POLR2B: variants seen among roughly 807,000 people sequenced by gnomAD.
POLR2B encodes DNA-directed RNA polymerase II subunit RPB2.
POLR2B carries 57 observed loss-of-function variants against 144.6 expected under a neutral mutation model. That is an observed-to-expected ratio of 0.39 (90% CI 0.32 to 0.49). POLR2B has a LOEUF of 0.49. Ranked by LOEUF, POLR2B falls within the 20% of genes least tolerant of loss-of-function variation. The probability of loss-of-function intolerance (pLI) is 0.83; values close to 1 mark genes in which losing one functional copy is unlikely to be tolerated. For synonymous variants in POLR2B, 442 were observed against 469.8 expected, an observed-to-expected ratio of 0.94 and a Z score of 0.77; for missense variants, 595 against 1,467.4, an observed-to-expected ratio of 0.41 and a Z score of 9.71.
At chr4:57,001,449 G>A (rs1722852306) in intron 7 of POLR2B, among the ~76,000 whole-genome samples, 1 of 152,220 alleles carries the variant, frequency 6.6e-6, no homozygotes, top group Non-Finnish European at 1.5e-5. Flanking sequence ...GCATGAGCCA[G>A]CGTGCCTGGC....
chr4:57,010,312 A>G lies in POLR2B; in HGVS notation c.1405-49A>G, dbSNP rs377689013. 27 of 1,566,744 alleles carry G rather than the reference A, an allele frequency of 1.7e-5. No individual in the cohort carries two copies. The African/African-American group carries it at 3.4e-4, about 20-fold the overall frequency. On this transcript the variant is annotated intron_variant, in intron 10 of 24. Coordinates refer to ENST00000314595, the MANE Select transcript of POLR2B (RefSeq NM_000938.3). Reference sequence around the variant, plus strand: ...TATGACTTTGCCTCAGTGTAATAGTATGAATCACAGAAATGTCCAGACTTT... The same window carrying G: ...TATGACTTTGCCTCAGTGTAATAGTGTGAATCACAGAAATGTCCAGACTTT...
intron 16 of POLR2B, among the ~76,000 whole-genome samples, chr4:57,020,322 A>G (rs1398741548): frequency 1.3e-5 from 2 of 152,172 alleles, no homozygotes; most frequent in African/African-American, 4.8e-5. Flanking sequence ...GTGAGCCACC[A>G]TGCCCGACCT....
intron 13 of POLR2B, among the ~76,000 whole-genome samples, chr4:57,011,341 A>G (rs1210077240): frequency 6.6e-6 from 1 of 152,306 alleles, no homozygotes; most frequent in African/African-American, 2.4e-5. Flanking sequence ...CAGCCTGGCC[A>G]ATATGGCGAA....
At position 56,986,003 on chromosome 4, in the gene POLR2B, C is replaced by G. The variant is rs150877656; in HGVS notation, c.20-351C>G. Among the ~76,000 whole-genome samples, 155 of 152,266 alleles carry G rather than the reference C, an allele frequency of 1.0e-3. 2 individuals are homozygous for G. The highest frequency in any genetic ancestry group is 3.6e-3 in the African/African-American group (148 of 41,562). On this transcript the variant is annotated intron_variant, in intron 1 of 24. Coordinates refer to ENST00000314595, the MANE Select transcript of POLR2B (RefSeq NM_000938.3). ...ATGAAATGTTGCTATAATAGATTGC[C>G]CCACCTTAGGGTATTGCCCAGTTGT...
chr4:57,027,668 G>A (rs988707559), intron 23 of POLR2B, among the ~76,000 whole-genome samples: 1 of 152,168 alleles, frequency 6.6e-6, no homozygotes, highest in African/African-American at 2.4e-5. Context: ...TCAAAGGTTG[G>A]TTTTGATGTA....
chr4:57,004,266 G>A (rs1403043924), intron 7 of POLR2B, among the ~76,000 whole-genome samples: 1 of 151,640 alleles, frequency 6.6e-6, no homozygotes, highest in Non-Finnish European at 1.5e-5. Flanking sequence ...GGCCAGGCTG[G>A]CCTTGAACTC....
chr4:57,008,260 A>G (rs1383566333), intron 10 of POLR2B, among the ~76,000 whole-genome samples: 2 of 148,574 alleles, frequency 1.3e-5, no homozygotes, highest in African/African-American at 5.0e-5. Flanking sequence ...GCTGGAGTAC[A>G]GTGGCAATCT....
intron 1 of POLR2B, among the ~76,000 whole-genome samples, chr4:56,980,527 G>A (rs1340620947): frequency 6.6e-6 from 1 of 152,044 alleles, no homozygotes; most frequent in Non-Finnish European, 1.5e-5. Flanking sequence ...TTCGAGAGCA[G>A]CCTGGGCAAC....
chr4:57,015,882 C>A (rs868619699), intron 14 of POLR2B, among the ~76,000 whole-genome samples: 1 of 152,070 alleles, frequency 6.6e-6, no homozygotes, highest in Non-Finnish European at 1.5e-5. Flanking sequence ...CCTCAACCAC[C>A]GTAGTAGCTG....
In POLR2B at chr4:57,025,020, G is replaced by GT. The variant is rs771199658; in HGVS notation, c.3078+22dup. 3.9e-5 allele frequency: 47 copies of GT among 1,191,872 alleles called. No individual in the cohort carries two copies. In the South Asian group the frequency reaches 5.9e-4, roughly 15 times the overall value. 73.8% of individuals were successfully genotyped at this position (1,191,872 alleles called of 1,614,324 possible). On this transcript the variant is annotated intron_variant, in intron 22 of 24. Transcript: ENST00000314595. The stretch of plus-strand genomic sequence containing the variant: ...ATGAGGTATATTTGCTCTTATAGTA[G>GT]TAATTTGCCACTTGTTTTTTTTTGT...
chr4:56,980,473 G>A (rs902543732), intron 1 of POLR2B, among the ~76,000 whole-genome samples: 1 of 152,156 alleles, frequency 6.6e-6, no homozygotes, highest in Admixed American at 6.5e-5. Context: ...TGTTATCCCA[G>A]CATTTTGGGA....
chr4:56,998,221 ATT>A (rs71657245), intron 6 of POLR2B, among the ~76,000 whole-genome samples: 14 of 143,112 alleles, frequency 9.8e-5, no homozygotes, highest in Non-Finnish European at 9.2e-5. Context: ...TTTTCTTTAA[ATT>A]TTTTTTTTTT....
At chr4:57,004,374 A>G (rs1411311095) in intron 7 of POLR2B, among the ~76,000 whole-genome samples, 1 of 125,726 alleles carries the variant, frequency 8.0e-6, no homozygotes, top group Admixed American at 8.6e-5. Context: ...TTTTTTTTAC[A>G]TCCAGGGTAC....
intron 10 of POLR2B, 62 bp downstream of exon 10, chr4:57,007,064 C>A: frequency 8.7e-7 from 1 of 1,151,904 alleles, no homozygotes; most frequent in Non-Finnish European, 1.3e-6. Context: ...CTAGTAGATT[C>A]TTTTGTTTGT....
intron 8 of POLR2B, 50 bp from the exon 9 acceptor site, chr4:57,005,550 C>A: frequency 2.6e-6 from 4 of 1,537,930 alleles, no homozygotes; most frequent in South Asian, 1.3e-5. Flanking sequence ...AAAAAAAGTC[C>A]AAAACTAAGT....
At chr4:57,011,228 T>C in intron 13 of POLR2B, 128 bp downstream of exon 13, 1 of 681,954 alleles carries the variant, frequency 1.5e-6, no homozygotes. Context: ...AAGTGTAAAT[T>C]TAATTATAAG....
intron 13 of POLR2B, among the ~76,000 whole-genome samples, chr4:57,014,351 G>C (rs1035117441): frequency 6.6e-6 from 1 of 150,756 alleles, no homozygotes; most frequent in Admixed American, 6.6e-5. Context: ...ACACCACCAC[G>C]CCCAGATAAT....
chr4:57,003,707 G>A (rs1198265380), intron 7 of POLR2B, among the ~76,000 whole-genome samples: 8 of 152,046 alleles, frequency 5.3e-5, no homozygotes, highest in Non-Finnish European at 1.0e-4. Flanking sequence ...GCTGGGTGTG[G>A]TAGTGCATGC....
intron 2 of POLR2B, 147 bp from the exon 3 acceptor site, chr4:56,990,601 A>G (rs1015821439): frequency 6.3e-6 from 4 of 639,696 alleles, no homozygotes; most frequent in African/African-American, 1.9e-5. Flanking sequence ...AAGATACCTC[A>G]TAGTGTCTTG....
Sources: allele counts gnomAD v4.1 joint callset (sites outside exome capture counted in the v4.1 genomes callset), GRCh38; gene constraint gnomAD v4.1.1; transcripts MANE v1.5; gene names NCBI Gene and HGNC (gene_info 2026-07-23, HGNC 2026-07-21).